The following TAFA1 variants were observed in gnomAD, a reference collection of about 807,000 sequenced individuals.
TAFA1 encodes the protein chemokine-like protein TAFA-1.
Under a neutral mutation model 18.5 loss-of-function variants are expected in TAFA1, and 4 were observed. The ratio of observed to expected loss-of-function variants is 0.22; its 90% confidence interval spans 0.11 to 0.49. The LOEUF is 0.49. Ranked by LOEUF, TAFA1 falls within the 20% of genes least tolerant of loss-of-function variation. TAFA1 has a pLI of 0.98. For synonymous variants in TAFA1, 56 were observed against 55.2 expected, an observed-to-expected ratio of 1.01 and a Z score of -0.06; for missense variants, 147 against 169.0, an observed-to-expected ratio of 0.87 and a Z score of 0.72.
At chr3:68,404,812 A>C (rs559820115) in intron 2 of TAFA1, among the ~76,000 whole-genome samples, 1 of 152,146 alleles carries the variant, frequency 6.6e-6, no homozygotes, top group Admixed American at 6.6e-5. Flanking sequence ...GAAAAAAAAA[A>C]AAAAAGGATG....
chr3:68,325,320 G>A (rs2068759365), intron 2 of TAFA1, among the ~76,000 whole-genome samples: 1 of 152,112 alleles, frequency 6.6e-6, no homozygotes. Context: ...CATCATCTGG[G>A]TTTAATTCTT....
rs1354402164 is a variant in TAFA1 at position 68,370,383 on chromosome 3, TATATATAC to T, written c.119-46895_119-46888del. On this transcript the variant is annotated intron_variant, in intron 2 of 4. Transcript: ENST00000478136. Reference sequence around the variant, plus strand: ...ACACACACACATATATATATACACATATATATACACACATATATATACACATATATATG... The same window carrying T: ...ACACACACACATATATATATACACATACACATATATATACACATATATATG... 6.3e-4 allele frequency among the ~76,000 whole-genome samples: 47 copies of T among 74,062 alleles called. 1 individual carries two copies. The highest frequency in any genetic ancestry group is 2.3e-3 in the African/African-American group (44 of 19,450). 48.6% of individuals were successfully genotyped at this position (74,062 alleles called of 152,430 possible). A position where few individuals can be genotyped will look rare whatever the true frequency, so the allele number is the denominator to read the frequency against.
intron 3 of TAFA1, among the ~76,000 whole-genome samples, chr3:68,525,663 A>G (rs1353248917): frequency 6.6e-6 from 1 of 152,198 alleles, no homozygotes; most frequent in Non-Finnish European, 1.5e-5. Context: ...TTATTTTGCC[A>G]TTTCAAATAT....
At chr3:68,185,971 G>A (rs939956716) in intron 2 of TAFA1, among the ~76,000 whole-genome samples, 3 of 151,996 alleles carry the variant, frequency 2.0e-5, no homozygotes, top group African/African-American at 7.2e-5. Flanking sequence ...CTAACTCAAT[G>A]TTGATTTCAT....
intron 2 of TAFA1, among the ~76,000 whole-genome samples, chr3:68,280,341 C>T (rs1370004740): frequency 1.3e-5 from 2 of 152,150 alleles, no homozygotes; most frequent in Non-Finnish European, 2.9e-5. Flanking sequence ...CGTTTAACAA[C>T]CCTGGCTGGC....
At chr3:68,386,661 A>G (rs1335526859) in intron 2 of TAFA1, among the ~76,000 whole-genome samples, 2 of 152,136 alleles carry the variant, frequency 1.3e-5, no homozygotes, top group African/African-American at 2.4e-5. Context: ...TGCTGGCTCC[A>G]GAAGGCCAGC....
At chr3:68,160,821 G>A (rs2106939119) in intron 2 of TAFA1, among the ~76,000 whole-genome samples, 1 of 152,322 alleles carries the variant, frequency 6.6e-6, no homozygotes, top group South Asian at 2.1e-4. Context: ...AGAGCTGGAG[G>A]AGAAAGGGTT....
At chr3:68,154,817 A>G (rs778512462) in intron 2 of TAFA1, among the ~76,000 whole-genome samples, 1 of 152,142 alleles carries the variant, frequency 6.6e-6, no homozygotes, top group African/African-American at 2.4e-5. Context: ...CCCTTGGGAC[A>G]TTGTTTAACT....
intron 2 of TAFA1, among the ~76,000 whole-genome samples, chr3:68,030,854 C>G (rs1704919815): frequency 6.6e-6 from 1 of 152,114 alleles, no homozygotes; most frequent in Non-Finnish European, 1.5e-5. Context: ...AGAAAAGATG[C>G]TGTTGGTTTG....
At chr3:68,143,238 A>G (rs1000506076) in intron 2 of TAFA1, among the ~76,000 whole-genome samples, 7 of 152,306 alleles carry the variant, frequency 4.6e-5, no homozygotes, top group African/African-American at 1.4e-4. Flanking sequence ...GAGATTAACC[A>G]TATATAGTTT....
chr3:68,113,377 C>G (rs899527453), intron 2 of TAFA1, among the ~76,000 whole-genome samples: 1 of 152,130 alleles, frequency 6.6e-6, no homozygotes, highest in South Asian at 2.1e-4. Flanking sequence ...AAAAAGCAAA[C>G]TGCACACCTG....
At chr3:68,280,420 A>C (rs1228112402) in intron 2 of TAFA1, among the ~76,000 whole-genome samples, 10 of 152,192 alleles carry the variant, frequency 6.6e-5, no homozygotes. Context: ...ATTGTTAGGC[A>C]GTCTCAACAT....
chr3:68,062,369 CAA>C (rs1250886659), intron 2 of TAFA1, among the ~76,000 whole-genome samples: 1 of 152,118 alleles, frequency 6.6e-6, no homozygotes, highest in East Asian at 1.9e-4. Flanking sequence ...GCAAATCTTT[CAA>C]AGAGATGCCA....
At chr3:68,301,359 T>C (rs1407556726) in intron 2 of TAFA1, among the ~76,000 whole-genome samples, 1 of 152,212 alleles carries the variant, frequency 6.6e-6, no homozygotes, top group African/African-American at 2.4e-5. Context: ...CAAAATGAGC[T>C]TCCTAATTCT....
At chr3:68,222,661 A>G (rs1290607165) in intron 2 of TAFA1, among the ~76,000 whole-genome samples, 2 of 151,740 alleles carry the variant, frequency 1.3e-5, no homozygotes, top group Non-Finnish European at 2.9e-5. Flanking sequence ...GAGGGTGGAG[A>G]GTATTGTTTT....
intron 2 of TAFA1, among the ~76,000 whole-genome samples, chr3:68,142,047 T>C (rs531517157): frequency 6.6e-6 from 1 of 152,310 alleles, no homozygotes; most frequent in East Asian, 1.9e-4. Flanking sequence ...TCCTTGACTT[T>C]TGGCTTCTGC....
At position 68,084,584 on chromosome 3, in the gene TAFA1, G is replaced by T. The variant is rs565393175; in HGVS notation, c.118+77840G>T. 1.8e-4 allele frequency among the ~76,000 whole-genome samples: 27 copies of T among 152,220 alleles called. No homozygotes were observed. In the South Asian group the frequency reaches 4.6e-3, roughly 26 times the overall value. On this transcript the variant is annotated intron_variant, in intron 2 of 4. Transcript: ENST00000478136. ...AGGCTGAGGCGGGTGGATCACCTGA[G>T]GTCAGGAGTTTGAGACCAGCCTGGC...
intron 3 of TAFA1, among the ~76,000 whole-genome samples, chr3:68,453,099 T>A (rs2071594472): frequency 6.6e-6 from 1 of 152,170 alleles, no homozygotes; most frequent in African/African-American, 2.4e-5. Context: ...AATGAATTAA[T>A]CTCCAGAGAC....
intron 2 of TAFA1, among the ~76,000 whole-genome samples, chr3:68,088,924 G>A (rs778741823): frequency 7.2e-5 from 11 of 152,122 alleles, no homozygotes; most frequent in Non-Finnish European, 8.8e-5. Context: ...GATCGGACAT[G>A]CTGGTAACTA....
Sources: allele counts gnomAD v4.1 joint callset (sites outside exome capture counted in the v4.1 genomes callset), GRCh38; gene constraint gnomAD v4.1.1; transcripts MANE v1.5; gene names NCBI Gene and HGNC (gene_info 2026-07-23, HGNC 2026-07-21).